Variants in BCL2L13 observed in about 807,000 individuals in gnomAD.
BCL2L13 encodes the protein BCL2 like 13.
Under a neutral mutation model 25.8 loss-of-function variants are expected in BCL2L13, and 13 were observed. The ratio of observed to expected loss-of-function variants is 0.50; its 90% CI spans 0.33 to 0.80. BCL2L13 has a LOEUF of 0.80. Among genes scored for constraint, BCL2L13 ranks in the 30% least tolerant of loss-of-function variants. The probability of loss-of-function intolerance (pLI) is 0.02; values close to 1 mark genes in which losing one functional copy is unlikely to be tolerated. For synonymous variants in BCL2L13, 244 were observed against 230.3 expected, an observed-to-expected ratio of 1.06 and a Z score of -0.54; for missense variants, 504 against 574.9, an observed-to-expected ratio of 0.88 and a Z score of 1.26.
At chr22:17,641,462 A>G (rs1401892940) in intron 1 of BCL2L13, among the ~76,000 whole-genome samples, 2 of 152,194 alleles carry the variant, frequency 1.3e-5, no homozygotes, top group Non-Finnish European at 2.9e-5. Flanking sequence ...AGGGAGGCAC[A>G]TGTCATGCAT....
At chr22:17,631,105 A>ATTTT (rs3044580) in intron 1 of BCL2L13, among the ~76,000 whole-genome samples, 1 of 143,364 alleles carries the variant, frequency 7.0e-6, no homozygotes, top group Non-Finnish European at 1.5e-5. Context: ...AAATCACTCA[A>ATTTT]TTTTTTTTTT....
At chr22:17,640,592 G>A (rs79530752) in intron 1 of BCL2L13, among the ~76,000 whole-genome samples, 2,253 of 152,028 alleles carry the variant, frequency 0.015, 58 homozygotes, top group African/African-American at 0.05. Context: ...GTTTGCGATG[G>A]CTCACTGTAA....
Position 17,720,932 on chromosome 22 carries a change from C to T in BCL2L13, c.601-5745C>T, listed in dbSNP as rs563601823. Among the ~76,000 whole-genome samples, 12 of 151,878 alleles carry T rather than the reference C, an allele frequency of 7.9e-5. No homozygotes were observed. The East Asian group carries it at 1.9e-3, about 25-fold the overall frequency. On this transcript the variant is annotated intron_variant, in intron 6 of 6. Coordinates refer to ENST00000317582, the MANE Select transcript of BCL2L13 (RefSeq NM_015367.4). ...CTGTATTCCCAGAACTTTAGGAGGC[C>T]GAGGCGGGTGGATCACGAGGTCAGG...
At chr22:17,700,720 A>G (rs1046837279) in intron 5 of BCL2L13, among the ~76,000 whole-genome samples, 5 of 152,182 alleles carry the variant, frequency 3.3e-5, no homozygotes, top group Admixed American at 6.5e-5. Context: ...ATACTACTCC[A>G]TCATTGTTAA....
At chr22:17,656,963 C>T (rs373639180) in intron 2 of BCL2L13, among the ~76,000 whole-genome samples, 36 of 152,240 alleles carry the variant, frequency 2.4e-4, no homozygotes, top group Non-Finnish European at 4.6e-4. Flanking sequence ...GGACTATAGG[C>T]GCACGCTGCC....
chr22:17,631,298 A>G (rs2058008859), intron 1 of BCL2L13, among the ~76,000 whole-genome samples: 1 of 151,218 alleles, frequency 6.6e-6, no homozygotes, highest in South Asian at 2.1e-4. Flanking sequence ...GTTTTGCCAC[A>G]TTGGCCAGGC....
chr22:17,649,914 C>A (rs1207072371), intron 1 of BCL2L13, among the ~76,000 whole-genome samples: 1 of 133,676 alleles, frequency 7.5e-6, no homozygotes, highest in Admixed American at 8.5e-5. Context: ...CTCTGTCGTC[C>A]AAGTTGGAGT....
chr22:17,689,961 T>C (rs950440709), intron 4 of BCL2L13, among the ~76,000 whole-genome samples: 2 of 152,092 alleles, frequency 1.3e-5, no homozygotes, highest in Non-Finnish European at 2.9e-5. Context: ...GGAACTTCTC[T>C]CCTAGCTATG....
chr22:17,647,257 A>G (rs1037337538), intron 1 of BCL2L13, among the ~76,000 whole-genome samples: 1 of 151,252 alleles, frequency 6.6e-6, no homozygotes, highest in Non-Finnish European at 1.5e-5. Flanking sequence ...TACAGGCATG[A>G]GCCACTGCAC....
intron 2 of BCL2L13, among the ~76,000 whole-genome samples, chr22:17,661,707 A>G (rs747485586): frequency 2.7e-5 from 4 of 146,064 alleles, no homozygotes; most frequent in Non-Finnish European, 6.2e-5. Context: ...TTGCATAATT[A>G]TGTGCCGGGT....
intron 2 of BCL2L13, among the ~76,000 whole-genome samples, chr22:17,674,720 C>T (rs1045047612): frequency 6.6e-6 from 1 of 152,072 alleles, no homozygotes; most frequent in Admixed American, 6.6e-5. Flanking sequence ...AACTCCTGAG[C>T]TCAAGGGGTC....
chr22:17,661,616 T>G (rs2146548094), intron 2 of BCL2L13, among the ~76,000 whole-genome samples: 1 of 145,912 alleles, frequency 6.9e-6, no homozygotes, highest in South Asian at 2.1e-4. Context: ...TTAGTACAAG[T>G]AAAAATGTAC....
intron 6 of BCL2L13, chr22:17,703,188 C>CACACACACACATATGT (rs1230917571): frequency 6.6e-6 from 1 of 151,942 alleles, no homozygotes; most frequent in African/African-American, 2.4e-5. Context: ...CACACACACA[C>CACACACACACATATGT]ATATGTATAT....
intron 5 of BCL2L13, among the ~76,000 whole-genome samples, chr22:17,697,054 A>G (rs924009698): frequency 6.6e-6 from 1 of 151,874 alleles, no homozygotes; most frequent in Non-Finnish European, 1.5e-5. Context: ...TACCTAATTG[A>G]TGTATATTAG....
At chr22:17,686,906 G>A (rs2535697) in intron 3 of BCL2L13, among the ~76,000 whole-genome samples, 21,210 of 152,140 alleles carry the variant, frequency 0.14, 2,027 homozygotes, top group Non-Finnish European at 0.21. Context: ...ATGGGCAAAA[G>A]GTAGAAAGAA....
At chr22:17,674,145 T>G (rs949694806) in intron 2 of BCL2L13, among the ~76,000 whole-genome samples, 3 of 152,196 alleles carry the variant, frequency 2.0e-5, no homozygotes, top group African/African-American at 7.2e-5. Flanking sequence ...GTATAAATGT[T>G]TAAGGTCAGT....
In BCL2L13 at chr22:17,727,239, C is replaced by T; in HGVS notation, c.1163C>T (p.Ala388Val). 1 of 1,614,220 alleles carries T rather than the reference C, an allele frequency of 6.2e-7. No homozygotes were observed. Among genetic ancestry groups the T allele is most frequent in the Non-Finnish European group, 8.5e-7 (1 of 1,180,040 alleles). Reference sequence around the variant, plus strand: ...CTTGATGAAGAAGAGGTGAAAGCAGCAACAACTGAACCTACTGAAGTGGAG... The same window carrying T: ...CTTGATGAAGAAGAGGTGAAAGCAGTAACAACTGAACCTACTGAAGTGGAG... ...VELDEEEVKA[A>V]TTEPTEVEEV... The change falls in exon 7 of 7, where the codon GCA (alanine) becomes GTA (valine). Residue 388 changes from alanine (A) to valine (V), a missense_variant. Transcript: ENST00000317582.
chr22:17,698,378 G>A (rs2060329351), intron 5 of BCL2L13, among the ~76,000 whole-genome samples: 1 of 151,348 alleles, frequency 6.6e-6, no homozygotes, highest in African/African-American at 2.4e-5. Context: ...GCCTCCCAAA[G>A]TGATGGGATT....
intron 1 of BCL2L13, among the ~76,000 whole-genome samples, chr22:17,641,084 G>GT (rs1459633404): frequency 6.6e-6 from 1 of 151,910 alleles, no homozygotes; most frequent in African/African-American, 2.4e-5. Flanking sequence ...TAGAGACGGG[G>GT]TTTCACCGTG....
Sources: allele counts gnomAD v4.1 joint callset (sites outside exome capture counted in the v4.1 genomes callset), GRCh38; gene constraint gnomAD v4.1.1; transcripts MANE v1.5; gene names NCBI Gene and HGNC (gene_info 2026-07-23, HGNC 2026-07-21).